PPARGC1A: variants seen among roughly 807,000 people sequenced by gnomAD.
PPARGC1A encodes the protein PPARG coactivator 1 alpha, also known as peroxisome proliferator-activated receptor gamma coactivator 1-alpha.
In PPARGC1A, 25 loss-of-function variants were observed where a neutral mutation model predicts 88.7. The observed-to-expected ratio is 0.28, with a 90% CI of 0.21 to 0.39. The LOEUF is 0.39. Among genes scored for constraint, PPARGC1A ranks in the 10% least tolerant of loss-of-function variants. The pLI, the probability that PPARGC1A is intolerant of heterozygous loss-of-function variation, is 1.00. For missense variants in PPARGC1A, 880 were observed against 968.7 expected (o/e 0.91, Z 1.22); for synonymous variants, 363 against 355.6 (o/e 1.02, Z -0.24).
chr4:24,382,664 C>T, the PPARGC1A span, among the ~76,000 whole-genome samples: 2 of 152,154 alleles, frequency 1.3e-5, no homozygotes, highest in Non-Finnish European at 2.9e-5. Context: ...CTGACAGGTA[C>T]CTTGTTCTCT....
At chr4:24,409,073 T>C in the PPARGC1A span, among the ~76,000 whole-genome samples, 5 of 152,348 alleles carry the variant, frequency 3.3e-5, no homozygotes, top group Middle Eastern at 3.4e-3. Flanking sequence ...AGCTGGATCA[T>C]AGAAAGTCAT....
At chr4:24,156,421 C>G in the PPARGC1A span, among the ~76,000 whole-genome samples, 2 of 151,838 alleles carry the variant, frequency 1.3e-5, no homozygotes, top group East Asian at 3.9e-4. Context: ...GGTGCCTGCT[C>G]AATTCAACTC....
the PPARGC1A span, among the ~76,000 whole-genome samples, chr4:24,370,509 G>A: frequency 1.0e-3 from 156 of 152,288 alleles, no homozygotes; most frequent in African/African-American, 3.5e-3. Context: ...ATAGTATTAA[G>A]TTGGAGTCCC....
At chr4:24,191,819 T>G in the PPARGC1A span, among the ~76,000 whole-genome samples, 6 of 152,342 alleles carry the variant, frequency 3.9e-5, no homozygotes, top group African/African-American at 1.4e-4. Flanking sequence ...TTCTGAAGAA[T>G]GCCATTCATT....
the PPARGC1A span, among the ~76,000 whole-genome samples, chr4:24,205,640 C>T: frequency 6.6e-6 from 1 of 152,128 alleles, no homozygotes; most frequent in South Asian, 2.1e-4. Context: ...ACCCTGCACA[C>T]ACCCACACGC....
chr4:24,230,729 C>A, the PPARGC1A span, among the ~76,000 whole-genome samples: 2 of 152,124 alleles, frequency 1.3e-5, no homozygotes, highest in African/African-American at 4.8e-5. Flanking sequence ...AAGTGGAAGA[C>A]AGCAAACAGG....
the PPARGC1A span, among the ~76,000 whole-genome samples, chr4:23,968,296 T>A: frequency 6.6e-6 from 1 of 152,246 alleles, no homozygotes; most frequent in African/African-American, 2.4e-5. Context: ...AAGGGCTTCA[T>A]AAATGCAAAG....
the PPARGC1A span, among the ~76,000 whole-genome samples, chr4:23,928,027 G>T: frequency 0.013 from 1,962 of 152,174 alleles, 40 homozygotes; most frequent in African/African-American, 0.045. Context: ...CACTTGGAGG[G>T]CCTGGGCAGC....
At chr4:23,940,291 A>G in the PPARGC1A span, among the ~76,000 whole-genome samples, 1 of 152,220 alleles carries the variant, frequency 6.6e-6, no homozygotes, top group Non-Finnish European at 1.5e-5. Context: ...GTAACAAACC[A>G]TCTTATAACA....
the PPARGC1A span, among the ~76,000 whole-genome samples, chr4:24,191,657 A>C: frequency 6.6e-6 from 1 of 151,968 alleles, no homozygotes; most frequent in Non-Finnish European, 1.5e-5. Context: ...TGGAGCTTTA[A>C]AAAAAGAAAA....
chr4:23,795,053 A>AGAGAG lies in PPARGC1A; in HGVS notation c.*768_*769insCTCTC, dbSNP rs1553871585. 54 of 145,292 alleles carry AGAGAG rather than the reference A, an allele frequency of 3.7e-4. No individual in the cohort carries two copies. The highest frequency in any genetic ancestry group is 1.2e-3 in the African/African-American group (47 of 39,184). The allele number at this position is 145,292 out of a possible 1,614,324, so 9.0% of individuals were successfully genotyped here. A position where few individuals can be genotyped will look rare whatever the true frequency, so the allele number is the denominator to read the frequency against. ...ATGGCAAAAGGAAAAAGAAAAAAAA[A>AGAGAG]AGAGAGAGAGAGAGAGAGAGAGAGA... On this transcript the variant is annotated 3_prime_UTR_variant, in exon 13 of 13. Transcript: ENST00000264867.
chr4:24,138,796 G>A, the PPARGC1A span, among the ~76,000 whole-genome samples: 11 of 152,192 alleles, frequency 7.2e-5, no homozygotes, highest in South Asian at 6.2e-4. Context: ...GAAATCCATG[G>A]GAATGTAAAG....
At chr4:23,889,187 ACT>A (rs1417103043) in intron 1 of PPARGC1A, 2 of 984,976 alleles carry the variant, frequency 2.0e-6, no homozygotes, top group Admixed American at 6.2e-5. Context: ...TCCTGCATAA[ACT>A]CTATTCTCTC....
At chr4:24,229,599 G>A in the PPARGC1A span, among the ~76,000 whole-genome samples, 5 of 151,488 alleles carry the variant, frequency 3.3e-5, no homozygotes, top group South Asian at 2.1e-4. Context: ...TTGGGAGGCC[G>A]AGGTGAGTGG....
At chr4:24,066,062 G>A in the PPARGC1A span, among the ~76,000 whole-genome samples, 4 of 147,330 alleles carry the variant, frequency 2.7e-5, no homozygotes, top group African/African-American at 9.8e-5. Context: ...TGCTTCTAGT[G>A]CACTTCTCTT....
the PPARGC1A span, among the ~76,000 whole-genome samples, chr4:24,225,385 C>T: frequency 6.6e-6 from 1 of 151,952 alleles, no homozygotes; most frequent in African/African-American, 2.4e-5. Flanking sequence ...CTGGCTAACA[C>T]GGTGAAACCC....
chr4:24,059,384 C>A, the PPARGC1A span, among the ~76,000 whole-genome samples: 3 of 152,164 alleles, frequency 2.0e-5, no homozygotes, highest in Non-Finnish European at 4.4e-5. Flanking sequence ...AGGATTAATG[C>A]TCACCCAAGT....
At chr4:23,894,458 G>T (rs1438564927), upstream of PPARGC1A, among the ~76,000 whole-genome samples, 1 of 151,586 alleles carries the variant, frequency 6.6e-6, no homozygotes, top group African/African-American at 2.4e-5. Flanking sequence ...ACCTCATTTT[G>T]CTTGAAAAAA....
At chr4:24,217,443 G>A in the PPARGC1A span, among the ~76,000 whole-genome samples, 2 of 152,172 alleles carry the variant, frequency 1.3e-5, no homozygotes, top group African/African-American at 4.8e-5. Flanking sequence ...TGTTCGGATG[G>A]AAGAGCATGA....
Sources: allele counts gnomAD v4.1 joint callset (sites outside exome capture counted in the v4.1 genomes callset), GRCh38; gene constraint gnomAD v4.1.1; transcripts MANE v1.5; gene names NCBI Gene and HGNC (gene_info 2026-07-23, HGNC 2026-07-21).